The following RAD54L2 variants were observed in gnomAD, a reference collection of about 807,000 sequenced individuals.
RAD54L2 encodes the protein helicase ARIP4.
A neutral mutation model predicts 138.4 loss-of-function variants in RAD54L2; 27 were observed. That is an observed-to-expected ratio of 0.20 (90% confidence interval 0.14 to 0.27). RAD54L2 has a LOEUF of 0.27. Among genes scored for constraint, RAD54L2 ranks in the 10% least tolerant of loss-of-function variants. The probability of loss-of-function intolerance (pLI) is 1.00; values close to 1 mark genes in which losing one functional copy is unlikely to be tolerated. For missense variants in RAD54L2, 1,396 were observed against 1,890.2 expected (o/e 0.74, Z 4.85); for synonymous variants, 644 against 723.2 (o/e 0.89, Z 1.76).
intron 19 of RAD54L2, among the ~76,000 whole-genome samples, chr3:51,649,729 C>T (rs1254372913): frequency 1.3e-5 from 2 of 151,144 alleles, no homozygotes; most frequent in African/African-American, 4.8e-5. Flanking sequence ...ATAAAATCCT[C>T]AAATGCTGAG....
intron 19 of RAD54L2, 103 bp from the exon 20 acceptor site, chr3:51,655,868 C>T: frequency 1.0e-6 from 1 of 972,020 alleles, no homozygotes; most frequent in South Asian, 1.8e-5. Flanking sequence ...TGAGCATCAA[C>T]TGATGGTGTA....
chr3:51,578,198 G>A (rs773003728), intron 2 of RAD54L2, among the ~76,000 whole-genome samples: 8 of 134,642 alleles, frequency 5.9e-5, no homozygotes, highest in Non-Finnish European at 9.1e-5. Flanking sequence ...CAGTTAGTCT[G>A]TTATAATCTG....
intron 3 of RAD54L2, among the ~76,000 whole-genome samples, chr3:51,619,960 A>G (rs1559639167): frequency 6.6e-6 from 1 of 152,094 alleles, no homozygotes; most frequent in Non-Finnish European, 1.5e-5. Context: ...ATTTTTGTAA[A>G]CTAAGAGTGA....
Position 51,655,218 on chromosome 3 carries a change from T to C in RAD54L2, c.3027-753T>C, listed in dbSNP as rs62259678. Among the ~76,000 whole-genome samples the C allele has an allele frequency of 1.1e-4, 17 of 149,722 alleles. No homozygotes were observed. In the East Asian group the frequency reaches 1.2e-3, roughly 10 times the overall value. On this transcript the variant is annotated intron_variant, in intron 19 of 22. Coordinates refer to ENST00000684192, the MANE Select transcript of RAD54L2 (RefSeq NM_015106.4). ...TAACAGTCTTAAGGGTTTTTTTTTT[T>C]CCCCCTCCAGGCCCAAAGACGAAAG...
intron 2 of RAD54L2, among the ~76,000 whole-genome samples, chr3:51,543,749 C>T (rs1698617268): frequency 1.3e-5 from 2 of 152,068 alleles, no homozygotes. Flanking sequence ...TTTCCTCTGC[C>T]ACATTTACTC....
At chr3:51,611,410 A>G (rs1700326244) in intron 3 of RAD54L2, 1 of 152,150 alleles carries the variant, frequency 6.6e-6, no homozygotes, top group African/African-American at 2.4e-5. Flanking sequence ...TTTATGTTGC[A>G]AACAATCCAA....
chr3:51,586,345 T>TG (rs1312208408), intron 2 of RAD54L2, among the ~76,000 whole-genome samples: 4 of 151,990 alleles, frequency 2.6e-5, no homozygotes, highest in South Asian at 2.1e-4. Context: ...CTTGAACTCC[T>TG]GGGCTCAAGC....
At chr3:51,639,828 T>G in intron 13 of RAD54L2, 53 bp from the exon 14 acceptor site, 1 of 1,491,072 alleles carries the variant, frequency 6.7e-7, no homozygotes, top group Non-Finnish European at 9.1e-7. Context: ...TAATTTTATT[T>G]CTAGTGATCT....
intron 2 of RAD54L2, among the ~76,000 whole-genome samples, chr3:51,559,681 C>T (rs746691454): frequency 5.3e-5 from 8 of 152,126 alleles, no homozygotes; most frequent in Non-Finnish European, 1.2e-4. Context: ...AAACTGTATC[C>T]CAGCTGCTGT....
rs1356934418 is a variant in RAD54L2, at chr3:51,629,313, G to A, written c.342-21G>A. The stretch of plus-strand genomic sequence containing the variant: ...CAAATCTTAATTGAACCCAAGTGCT[G>A]TCTCTTATGTGAATGTTTAGAAAGC... On this transcript the variant is annotated intron_variant, in intron 4 of 22. Coordinates refer to ENST00000684192, the MANE Select transcript of RAD54L2 (RefSeq NM_015106.4). 2.5e-6 allele frequency: 4 copies of A among 1,571,980 alleles called. No homozygotes were observed. The South Asian group carries it at 3.5e-5, about 14-fold the overall frequency.
chr3:51,547,880 A>T (rs1698736471), intron 2 of RAD54L2, among the ~76,000 whole-genome samples: 1 of 151,784 alleles, frequency 6.6e-6, no homozygotes, highest in Admixed American at 6.6e-5. Context: ...CCTATAAAAT[A>T]CTTTCTTTCT....
At chr3:51,622,608 A>G (rs1700591274) in intron 3 of RAD54L2, among the ~76,000 whole-genome samples, 1 of 152,198 alleles carries the variant, frequency 6.6e-6, no homozygotes, top group African/African-American at 2.4e-5. Flanking sequence ...GGGCATCCAC[A>G]TGCGAGACCC....
chr3:51,663,000 G>A lies in RAD54L2; in HGVS notation c.3984G>A (p.Gln1328=), dbSNP rs1701823043. 1 of 1,613,830 alleles carries A rather than the reference G, an allele frequency of 6.2e-7. No homozygotes were observed. The highest frequency in any genetic ancestry group is 1.7e-5 in the Admixed American group (1 of 60,012). The change falls in exon 23 of 23, where the codon CAG becomes CAA. Residue 1328 remains glutamine (Q), a synonymous_variant. Coordinates refer to ENST00000684192, the MANE Select transcript of RAD54L2 (RefSeq NM_015106.4). This position sits in a 1 kb window ranked among gnomAD's most constrained non-coding sequence, Gnocchi z 4.6. ...TGGGCAGTACCCCCTCCTACTACCA[G>A]CTGTCCAATTTGCTGGCAGATGCCC... ...LFMGSTPSYY[Q]LSNLLADARL...
intron 19 of RAD54L2, among the ~76,000 whole-genome samples, chr3:51,654,712 A>G (rs1701553167): frequency 6.6e-6 from 1 of 152,154 alleles, no homozygotes; most frequent in Non-Finnish European, 1.5e-5. Flanking sequence ...GAGAAAAGCC[A>G]CATGGAGAGA....
At chr3:51,622,670 A>G (rs917100898) in intron 3 of RAD54L2, among the ~76,000 whole-genome samples, 1 of 152,156 alleles carries the variant, frequency 6.6e-6, no homozygotes, top group Non-Finnish European at 1.5e-5. Flanking sequence ...TGTCCACCCA[A>G]ACACCAGGGC....
At chr3:51,624,918 C>CA (rs2106786351) in intron 3 of RAD54L2, among the ~76,000 whole-genome samples, 1 of 152,238 alleles carries the variant, frequency 6.6e-6, no homozygotes, top group Admixed American at 6.5e-5. Context: ...AGTGGTAAGA[C>CA]AGCCCATATG....
At chr3:51,585,842 C>T (rs1699696230) in intron 2 of RAD54L2, among the ~76,000 whole-genome samples, 2 of 151,952 alleles carry the variant, frequency 1.3e-5, no homozygotes, top group South Asian at 2.1e-4. Context: ...AATTTGATTC[C>T]CAGAACTTGC....
At chr3:51,620,255 C>G (rs1700539900) in intron 3 of RAD54L2, among the ~76,000 whole-genome samples, 2 of 144,048 alleles carry the variant, frequency 1.4e-5, no homozygotes, top group South Asian at 4.3e-4. Context: ...CTATGCTCAG[C>G]TAATTTTTTT....
Position 51,662,801 on chromosome 3 carries a change from C to T in RAD54L2, c.3785C>T (p.Pro1262Leu). The T allele has an allele frequency of 3.7e-6, 6 of 1,611,070 alleles. No homozygotes were observed. The highest frequency in any genetic ancestry group is 5.1e-6 in the Non-Finnish European group (6 of 1,178,680). The change falls in exon 23 of 23, where the codon CCT becomes CTT. Residue 1262 changes from proline (P) to leucine (L), a missense_variant. By Grantham distance (98) the Pro-to-Leu change is moderately conservative (BLOSUM62 -3). Around this residue, in one of 7 missense-constraint regions of RAD54L2, gnomAD observed 634 missense variants for 711.2 expected, o/e 0.89. Transcript: ENST00000684192. This position sits in a 1 kb window ranked among gnomAD's most constrained non-coding sequence, Gnocchi z 4.6. ...CACAAGCGAAAGTTGGCCACACCAC[C>T]TGCTGCCCAGGAGTCATCCCGCCGG... ...RGHKRKLATP[P>L]AAQESSRRRS...
Sources: allele counts gnomAD v4.1 joint callset (sites outside exome capture counted in the v4.1 genomes callset), GRCh38; gene constraint gnomAD v4.1.1; regional missense constraint gnomAD v4.1.1; non-coding constraint Gnocchi (gnomAD v3.1); transcripts MANE v1.5; gene names NCBI Gene and HGNC (gene_info 2026-07-23, HGNC 2026-07-21).